Variants in GATB observed in about 807,000 individuals in gnomAD.
GATB encodes glutamyl-tRNA(Gln) amidotransferase subunit B, mitochondrial.
A neutral mutation model predicts 62.3 loss-of-function variants in GATB; 39 were observed. The observed-to-expected ratio is 0.63, with a 90% confidence interval of 0.48 to 0.82. The LOEUF (loss-of-function observed/expected upper bound fraction) is 0.82, where lower values mean the gene tolerates loss of function less well. Ranked by LOEUF, GATB falls within the 40% of genes least tolerant of loss-of-function variation. The pLI is 0.00. For missense variants in GATB, 670 were observed against 684.0 expected (o/e 0.98, Z 0.23); for synonymous variants, 276 against 258.9 (o/e 1.07, Z -0.63).
In GATB at chr4:151,704,080, CT is replaced by C. The variant is rs755382233; in HGVS notation, c.963-186del. On this transcript the variant is annotated intron_variant, in intron 7 of 12. Coordinates refer to ENST00000263985, the MANE Select transcript of GATB (RefSeq NM_004564.3). ...AAGAAAGCGAAATGTACAGAATGATCTTTTTTTTTTTTTTTTAAAGGAAATG... is the reference window on the plus strand; with the variant it reads ...AAGAAAGCGAAATGTACAGAATGATCTTTTTTTTTTTTTTTAAAGGAAATG... Among the ~76,000 whole-genome samples the C allele has an allele frequency of 0.028, 3,868 of 140,606 alleles. 71 individuals carry two copies. The highest frequency in any genetic ancestry group is 0.063 in the East Asian group (302 of 4,796). 92.2% of individuals were successfully genotyped at this position (140,606 alleles called of 152,430 possible). A position where few individuals can be genotyped will look rare whatever the true frequency, so the allele number is the denominator to read the frequency against.
intron 2 of GATB, among the ~76,000 whole-genome samples, chr4:151,747,618 A>C (rs1006943543): frequency 2.4e-4 from 36 of 152,240 alleles, no homozygotes; most frequent in African/African-American, 8.7e-4. Context: ...AGAATAAATA[A>C]AAACAAATTC....
intron 2 of GATB, among the ~76,000 whole-genome samples, chr4:151,749,576 A>G (rs1446311548): frequency 1.3e-5 from 2 of 152,086 alleles, no homozygotes; most frequent in Non-Finnish European, 2.9e-5. Flanking sequence ...AACATGGCAC[A>G]TGTATACATA....
At chr4:151,723,616 T>C (rs932512745) in intron 2 of GATB, 1 of 152,228 alleles carries the variant, frequency 6.6e-6, no homozygotes, top group African/African-American at 2.4e-5. Flanking sequence ...TTGTGTTCTT[T>C]TAACTACATG....
chr4:151,759,709 G>C (rs1299998127), intron 1 of GATB, among the ~76,000 whole-genome samples: 3 of 151,908 alleles, frequency 2.0e-5, no homozygotes. Flanking sequence ...GGCCTCTCCA[G>C]GTCCTTATAA....
At chr4:151,744,217 A>G (rs188562772) in intron 2 of GATB, among the ~76,000 whole-genome samples, 8 of 152,360 alleles carry the variant, frequency 5.3e-5, no homozygotes, top group Non-Finnish European at 5.9e-5. Flanking sequence ...TTAGACAGGA[A>G]AATCCTTTTA....
In GATB at chr4:151,719,544, G is replaced by T. The variant is rs1399467843; in HGVS notation, c.328-6C>A. ...ACACACCTCCTGTTGAGAACCTATG[G>T]GAACACAACACACAGTTCCTCTCAG... On this transcript the variant is annotated splice_region_variant and splice_polypyrimidine_tract_variant and intron_variant, in intron 2 of 12. Coordinates refer to ENST00000263985, the MANE Select transcript of GATB (RefSeq NM_004564.3). The T allele has an allele frequency of 6.3e-7, 1 of 1,584,190 alleles. No individual in the cohort carries two copies. The highest frequency in any genetic ancestry group is 1.4e-5 in the African/African-American group (1 of 73,666).
At chr4:151,676,752 A>G (rs377404579) in intron 11 of GATB, among the ~76,000 whole-genome samples, 49 of 152,288 alleles carry the variant, frequency 3.2e-4, no homozygotes, top group East Asian at 2.5e-3. Flanking sequence ...CCCAGCTTCT[A>G]TTTCTGATTC....
At chr4:151,758,255 T>C (rs1338192177) in intron 2 of GATB, among the ~76,000 whole-genome samples, 2 of 152,222 alleles carry the variant, frequency 1.3e-5, no homozygotes, top group Non-Finnish European at 2.9e-5. Flanking sequence ...TCTGCCTAAA[T>C]TTTATTGGGC....
chr4:151,740,309 T>C (rs763561372), intron 2 of GATB, among the ~76,000 whole-genome samples: 1 of 152,226 alleles, frequency 6.6e-6, no homozygotes, highest in Non-Finnish European at 1.5e-5. Context: ...TGCATGAACA[T>C]CGTAAGAGTG....
At position 151,689,861 on chromosome 4, in the gene GATB, G is replaced by T. The variant is rs151143288; in HGVS notation, c.1198-1098C>A. On this transcript the variant is annotated intron_variant, in intron 9 of 12. Coordinates refer to ENST00000263985, the MANE Select transcript of GATB (RefSeq NM_004564.3). ...TATACTACAGCTTGCTGCCAGCTCA[G>T]ATAGTTTTGACACAATCAAGAAATT... 1.2e-3 allele frequency among the ~76,000 whole-genome samples: 188 copies of T among 152,208 alleles called. 1 individual carries two copies. Among genetic ancestry groups the T allele is most frequent in the African/African-American group, 4.5e-3 (186 of 41,552 alleles).
At chr4:151,712,486 T>C (rs948860144) in intron 5 of GATB, among the ~76,000 whole-genome samples, 2 of 152,148 alleles carry the variant, frequency 1.3e-5, no homozygotes, top group Admixed American at 1.3e-4. Context: ...AGTGATAAAG[T>C]GCAGTTTCAT....
Position 151,758,957 on chromosome 4 carries a change from T to C in GATB, c.177-35A>G, listed in dbSNP as rs780662338. 36 of 1,479,760 alleles carry C rather than the reference T, an allele frequency of 2.4e-5. No individual in the cohort carries two copies. In the East Asian group the frequency reaches 3.9e-4, roughly 16 times the overall value. The allele number at this position is 1,479,760 out of a possible 1,614,324, so 91.7% of individuals were successfully genotyped here. Reference sequence around the variant, plus strand: ...AAGAGATAATGGTTAAGATGTATTATATTTGTCACCATGAATGAATTTCTA... The same window carrying C: ...AAGAGATAATGGTTAAGATGTATTACATTTGTCACCATGAATGAATTTCTA... On this transcript the variant is annotated intron_variant, in intron 1 of 12. Transcript: ENST00000263985.
In GATB at chr4:151,742,090, G is replaced by GTT. The variant is rs5862970; in HGVS notation, c.327+16680_327+16681dup. ...ATTACAATGGGAAGGGAGGGATATG[G>GTT]TTTTTTTTTTTTTTTTGAGACGGAG... On this transcript the variant is annotated intron_variant, in intron 2 of 12. Transcript: ENST00000263985. Among the ~76,000 whole-genome samples the GTT allele has an allele frequency of 3.3e-3, 443 of 136,280 alleles. 1 individual carries two copies. Among genetic ancestry groups the GTT allele is most frequent in the East Asian group, 0.024 (110 of 4,664 alleles). 89.4% of individuals were successfully genotyped at this position (136,280 alleles called of 152,430 possible). A position where few individuals can be genotyped will look rare whatever the true frequency, so the allele number is the denominator to read the frequency against.
At chr4:151,702,949 C>G (rs538349654) in intron 8 of GATB, among the ~76,000 whole-genome samples, 1 of 152,248 alleles carries the variant, frequency 6.6e-6, no homozygotes, top group Non-Finnish European at 1.5e-5. Context: ...TCCTGCAGCT[C>G]ACTATCATTT....
chr4:151,747,728 A>C (rs1218520029), intron 2 of GATB, among the ~76,000 whole-genome samples: 2 of 152,228 alleles, frequency 1.3e-5, no homozygotes, highest in African/African-American at 2.4e-5. Flanking sequence ...CCTAAGGACA[A>C]TGGAAAAATG....
rs78453071 is a variant in GATB at position 151,700,546 on chromosome 4, A to T, written c.1197+783T>A. 3.3e-3 allele frequency among the ~76,000 whole-genome samples: 510 copies of T among 152,306 alleles called. 3 individuals carry two copies. The highest frequency in any genetic ancestry group is 0.012 in the African/African-American group (478 of 41,560). On this transcript the variant is annotated intron_variant, in intron 9 of 12. Transcript: ENST00000263985. ...TGTAGTTATGACTGGCCATCCAAAA[A>T]GCAAAAATCCAGTTTCCGCAGATCC...
At chr4:151,681,767 C>A (rs892378072) in intron 10 of GATB, among the ~76,000 whole-genome samples, 2 of 152,178 alleles carry the variant, frequency 1.3e-5, no homozygotes, top group Non-Finnish European at 2.9e-5. Context: ...AAGATAAAGG[C>A]GCTGGCAGAT....
intron 10 of GATB, among the ~76,000 whole-genome samples, chr4:151,682,736 C>T (rs1380057111): frequency 3.3e-5 from 5 of 152,080 alleles, no homozygotes; most frequent in African/African-American, 1.2e-4. Context: ...CCCAGCTTAT[C>T]TCAGGCCCAA....
intron 7 of GATB, among the ~76,000 whole-genome samples, chr4:151,704,368 A>C (rs1738668192): frequency 6.6e-6 from 1 of 152,234 alleles, no homozygotes; most frequent in Non-Finnish European, 1.5e-5. Flanking sequence ...AAGGGCCTAA[A>C]ACGAAGCCCT....
Sources: gnomAD v4.1 joint callset for allele counts (sites outside exome capture counted in the v4.1 genomes callset) on GRCh38, gnomAD v4.1.1 for gene constraint, MANE v1.5 for transcripts, NCBI Gene and HGNC (gene_info 2026-07-23, HGNC 2026-07-21) for gene names.